CBX5: variants seen among roughly 807,000 people sequenced by gnomAD.
The protein encoded by CBX5 is chromobox 5, also known as chromobox protein homolog 5.
A neutral mutation model predicts 20.7 loss-of-function variants in CBX5; 7 were observed. The ratio of observed to expected loss-of-function variants is 0.34; its 90% CI spans 0.19 to 0.63. CBX5 has a LOEUF of 0.63. Among genes scored for constraint, CBX5 ranks in the 30% least tolerant of loss-of-function variants. CBX5 has a pLI of 0.75. For missense variants in CBX5, 110 were observed against 224.1 expected (o/e 0.49, Z 3.25); for synonymous variants, 78 against 77.0 (o/e 1.01, Z -0.07).
At chr12:54,245,104 C>CA (rs1412408887) in intron 4 of CBX5, among the ~76,000 whole-genome samples, 5 of 151,976 alleles carry the variant, frequency 3.3e-5, no homozygotes, top group Admixed American at 3.3e-4. Flanking sequence ...CTCTGCCTCC[C>CA]AGGTTCAAGC....
At chr12:54,264,710 G>A (rs1943942582) in intron 1 of CBX5, among the ~76,000 whole-genome samples, 1 of 152,106 alleles carries the variant, frequency 6.6e-6, no homozygotes, top group Non-Finnish European at 1.5e-5. Context: ...AGGTGTGGTG[G>A]CAGGTGCCTG....
intron 2 of CBX5, among the ~76,000 whole-genome samples, chr12:54,253,247 T>C (rs1261356441): frequency 6.6e-6 from 1 of 151,848 alleles, no homozygotes; most frequent in Admixed American, 6.6e-5. Flanking sequence ...AAACCCTGTC[T>C]CCACTAAAAA....
chr12:54,279,764 T>G (rs1944114194), intron 1 of CBX5, among the ~76,000 whole-genome samples: 1 of 152,168 alleles, frequency 6.6e-6, no homozygotes, highest in African/African-American at 2.4e-5. Flanking sequence ...GGCCGATCAG[T>G]CGGCAGCTCA....
chr12:54,257,398 AG>A, intron 2 of CBX5, 115 bp downstream of exon 2: 2 of 990,772 alleles, frequency 2.0e-6, no homozygotes, highest in Non-Finnish European at 3.0e-6. Flanking sequence ...TCTAACTCTT[AG>A]GAAGAGTGCA....
In CBX5 at chr12:54,241,787, C is replaced by T. The variant is rs995173533; in HGVS notation, c.544G>A (p.Glu182Lys). The T allele has an allele frequency of 1.3e-5, 21 of 1,612,550 alleles. No homozygotes were observed. The highest frequency in any genetic ancestry group is 1.8e-5 in the Non-Finnish European group (21 of 1,179,752). Reference sequence around the variant, plus strand: ...TTTGCTGTTTCTTTCTCTTTGTTTTCCGCATCCTCAGGATATGCATGCCAT... The same window carrying T: ...TTTGCTGTTTCTTTCTCTTTGTTTTTCGCATCCTCAGGATATGCATGCCAT... ...LTWHAYPEDA[E>K]NKEKETAKS Residue 182 changes from glutamate (E) to lysine (K), a missense_variant, in exon 5 of 5, where the codon GAA becomes AAA. This residue lies in a region of CBX5 where 31 missense variants were observed against 84.9 expected (regional missense o/e 0.37). Coordinates refer to ENST00000209875, the MANE Select transcript of CBX5 (RefSeq NM_012117.3).
chr12:54,244,376 A>T (rs528181128), intron 4 of CBX5, among the ~76,000 whole-genome samples: 1 of 152,112 alleles, frequency 6.6e-6, no homozygotes, highest in Non-Finnish European at 1.5e-5. Flanking sequence ...CCCTCTATGT[A>T]TCACAAATTC....
intron 1 of CBX5, among the ~76,000 whole-genome samples, chr12:54,268,903 CAAGAA>C: frequency 6.6e-6 from 1 of 152,216 alleles, no homozygotes; most frequent in East Asian, 1.9e-4. Context: ...GTGGGAAAAA[CAAGAA>C]AATACTTGAA....
At position 54,252,224 on chromosome 12, in the gene CBX5, C is replaced by T. The variant is rs773760860; in HGVS notation, c.141G>A (p.Glu47=). The T allele has an allele frequency of 3.4e-5, 53 of 1,571,818 alleles. 1 individual carries two copies. The Admixed American group carries it at 5.5e-4, about 16-fold the overall frequency. The change falls in exon 3 of 5, where the codon GAG becomes GAA. Residue 47 remains glutamate, a synonymous_variant. Coordinates refer to ENST00000209875, the MANE Select transcript of CBX5 (RefSeq NM_012117.3). ...YLLKWKGFSE[E]HNTWEPEKNL... ...TTTTCTCAGGTTCCCAAGTATTGTG[C>T]TCCCTGGGTAAGAAAAATGGGAAAA...
chr12:54,245,755 A>C (rs1943729161), intron 4 of CBX5, among the ~76,000 whole-genome samples: 1 of 152,092 alleles, frequency 6.6e-6, no homozygotes, highest in African/African-American at 2.4e-5. Context: ...GCACCATTGC[A>C]CTCCAGCCTG....
intron 3 of CBX5, among the ~76,000 whole-genome samples, chr12:54,247,144 TAG>T (rs1218975603): frequency 6.6e-6 from 1 of 152,178 alleles, no homozygotes; most frequent in Non-Finnish European, 1.5e-5. Flanking sequence ...TATGCTTGGT[TAG>T]AGAGAAGGCC....
At chr12:54,263,796 G>GAAAAAAAA (rs1177290699) in intron 1 of CBX5, among the ~76,000 whole-genome samples, 1 of 130,304 alleles carries the variant, frequency 7.7e-6, no homozygotes. Context: ...AAAGAAAAAA[G>GAAAAAAAA]AAAAAAAAAG....
rs1943599163 is a variant in CBX5 at position 54,234,384 on chromosome 12, G to T, written c.*7371C>A. 1 of 151,656 alleles carries T rather than the reference G, an allele frequency of 6.6e-6. No individual in the cohort carries two copies. Among genetic ancestry groups the T allele is most frequent in the East Asian group, 1.9e-4 (1 of 5,168 alleles). 9.4% of individuals were successfully genotyped at this position (151,656 alleles called of 1,614,324 possible). On this transcript the variant is annotated 3_prime_UTR_variant, in exon 5 of 5. Transcript: ENST00000209875. Reference sequence around the variant, plus strand: ...TGTTTGGAATTCCTAAAAATAAAAAGAAATCCCTTAAAAAAGGCTGACAAA... The same window carrying T: ...TGTTTGGAATTCCTAAAAATAAAAATAAATCCCTTAAAAAAGGCTGACAAA...
intron 3 of CBX5, among the ~76,000 whole-genome samples, chr12:54,249,202 CTACTAAAAA>C (rs1943767915): frequency 6.6e-6 from 1 of 152,056 alleles, no homozygotes; most frequent in Non-Finnish European, 1.5e-5. Flanking sequence ...AACCCCATCT[CTACTAAAAA>C]TACAAAAAAT....
intron 1 of CBX5, among the ~76,000 whole-genome samples, chr12:54,279,671 C>G (rs1944111680): frequency 6.6e-6 from 1 of 152,184 alleles, no homozygotes; most frequent in Non-Finnish European, 1.5e-5. Context: ...GAAGCCCAAC[C>G]TACCGCGCGC....
At position 54,270,466 on chromosome 12, in the gene CBX5, TCTCA is replaced by T. The variant is rs538044820; in HGVS notation, c.-43+9538_-43+9541del. Among the ~76,000 whole-genome samples the T allele has an allele frequency of 3.3e-3, 504 of 152,174 alleles. 3 individuals carry two copies. The highest frequency in any genetic ancestry group is 5.6e-3 in the Non-Finnish European group (379 of 68,002). On this transcript the variant is annotated intron_variant, in intron 1 of 4. Coordinates refer to ENST00000209875, the MANE Select transcript of CBX5 (RefSeq NM_012117.3). Reference sequence around the variant, plus strand: ...TTTTTAATTTTTTCTAGAGACTAGGTCTCACTATGTTGCCCAGGCTGGTCTTGAA... The same window carrying T: ...TTTTTAATTTTTTCTAGAGACTAGGTCTATGTTGCCCAGGCTGGTCTTGAA...
chr12:54,256,870 TG>T (rs1425014506), intron 2 of CBX5, among the ~76,000 whole-genome samples: 1 of 151,958 alleles, frequency 6.6e-6, no homozygotes, highest in Non-Finnish European at 1.5e-5. Flanking sequence ...CTGAGTAACA[TG>T]ACAAAACCCT....
At chr12:54,252,606 T>C (rs1024527385) in intron 2 of CBX5, 10 of 175,768 alleles carry the variant, frequency 5.7e-5, no homozygotes, top group East Asian at 1.7e-4. Context: ...AAAAACATTA[T>C]ACTAAGTGAA....
At chr12:54,258,332 T>C (rs1176148481) in intron 1 of CBX5, 1 of 152,156 alleles carries the variant, frequency 6.6e-6, no homozygotes, top group Admixed American at 6.6e-5. Context: ...GAAAGCTAAT[T>C]TGGGGATGGG....
chr12:54,257,467 A>G, intron 2 of CBX5, 47 bp downstream of exon 2: 1 of 1,598,616 alleles, frequency 6.3e-7, no homozygotes, highest in Non-Finnish European at 8.5e-7. Flanking sequence ...AACCAAAGGT[A>G]TCTATCTCTA....
Sources: gnomAD v4.1 joint callset for allele counts (sites outside exome capture counted in the v4.1 genomes callset) on GRCh38, gnomAD v4.1.1 for gene constraint, gnomAD v4.1.1 regional missense constraint, MANE v1.5 for transcripts, NCBI Gene and HGNC (gene_info 2026-07-23, HGNC 2026-07-21) for gene names.